LARGE1: variants seen among roughly 807,000 people sequenced by gnomAD.
LARGE1 encodes the protein LARGE xylosyl- and glucuronyltransferase 1, also known as xylosyl- and glucuronyltransferase LARGE1.
Under a neutral mutation model 87.6 loss-of-function variants are expected in LARGE1, and 43 were observed. The observed-to-expected ratio is 0.49, with a 90% confidence interval of 0.38 to 0.63. The LOEUF is 0.63. Among genes scored for constraint, LARGE1 ranks in the 30% least tolerant of loss-of-function variants. The pLI, the probability that LARGE1 is intolerant of heterozygous loss-of-function variation, is 0.00. For synonymous variants in LARGE1, 434 were observed against 394.6 expected (o/e 1.10, Z -1.18); for missense variants, 802 against 1,000.2 (o/e 0.80, Z 2.67).
In LARGE1 at chr22:33,831,634, TA is replaced by T. The variant is rs373497977; in HGVS notation, c.-82-70077del. On this transcript the variant is annotated intron_variant, in intron 1 of 14. Transcript: ENST00000397394. ...GATTGGAAAAGTATTCCTAAGTTTTTAAAAAAAGATAACTGGACAAGAACTT... is the reference window on the plus strand; with the variant it reads ...GATTGGAAAAGTATTCCTAAGTTTTTAAAAAAGATAACTGGACAAGAACTT... Among the ~76,000 whole-genome samples, 389 of 152,100 alleles carry T rather than the reference TA, an allele frequency of 2.6e-3. 5 individuals are homozygous for T. Among genetic ancestry groups the T allele is most frequent in the African/African-American group, 8.8e-3 (365 of 41,502 alleles).
intron 5 of LARGE1, among the ~76,000 whole-genome samples, chr22:33,578,874 T>C (rs2078429108): frequency 1.3e-5 from 2 of 152,206 alleles, no homozygotes. Flanking sequence ...GAGCTCATAC[T>C]GTTAGCAGAA....
intron 4 of LARGE1, among the ~76,000 whole-genome samples, chr22:33,620,519 C>A (rs1371987024): frequency 2.6e-5 from 4 of 152,168 alleles, no homozygotes; most frequent in Non-Finnish European, 5.9e-5. Flanking sequence ...GGGTAACAAA[C>A]AAACCTTTGT....
At chr22:33,719,085 G>A (rs867903021) in intron 2 of LARGE1, among the ~76,000 whole-genome samples, 18 of 152,114 alleles carry the variant, frequency 1.2e-4, no homozygotes, top group South Asian at 2.1e-4. Context: ...CACCACACCC[G>A]GCTGTATCTT....
At chr22:33,299,569 G>A (rs1038971002) in intron 12 of LARGE1, among the ~76,000 whole-genome samples, 3 of 152,208 alleles carry the variant, frequency 2.0e-5, no homozygotes, top group East Asian at 1.9e-4. Flanking sequence ...TTGCAATGGC[G>A]GGGGTTGGGT....
chr22:33,800,215 T>C (rs573541200), intron 1 of LARGE1, among the ~76,000 whole-genome samples: 2 of 152,342 alleles, frequency 1.3e-5, no homozygotes, highest in African/African-American at 2.4e-5. Flanking sequence ...TTTTTAACTT[T>C]ACAGTTATTT....
intron 2 of LARGE1, among the ~76,000 whole-genome samples, chr22:33,728,983 C>T (rs1411734035): frequency 2.6e-5 from 4 of 151,972 alleles, no homozygotes; most frequent in Non-Finnish European, 4.4e-5. Context: ...CTGTCACCCC[C>T]CTCCCCACAA....
intron 9 of LARGE1, among the ~76,000 whole-genome samples, chr22:33,367,438 G>A (rs1020054659): frequency 2.6e-5 from 4 of 152,110 alleles, no homozygotes; most frequent in African/African-American, 9.7e-5. Context: ...TGTTTTTAGA[G>A]ACAGGGTCTC....
At chr22:33,787,733 G>A (rs918887787) in intron 1 of LARGE1, among the ~76,000 whole-genome samples, 14 of 152,134 alleles carry the variant, frequency 9.2e-5, no homozygotes, top group Non-Finnish European at 1.8e-4. Context: ...ATGCATTCCA[G>A]GCAAGCCTCA....
At chr22:33,789,219 G>C (rs950044877) in intron 1 of LARGE1, among the ~76,000 whole-genome samples, 2 of 152,242 alleles carry the variant, frequency 1.3e-5, no homozygotes, top group African/African-American at 4.8e-5. Context: ...ATAGAGCTCA[G>C]GCCATTGCTT....
intron 6 of LARGE1, among the ~76,000 whole-genome samples, chr22:33,488,856 C>T (rs1295837796): frequency 6.6e-6 from 1 of 152,198 alleles, no homozygotes; most frequent in Non-Finnish European, 1.5e-5. Flanking sequence ...TGGGGCCACA[C>T]CAAATGCTCC....
chr22:33,071,245 C>CG, the LARGE1 span, among the ~76,000 whole-genome samples: 2 of 152,142 alleles, frequency 1.3e-5, no homozygotes, highest in Non-Finnish European at 2.9e-5. Flanking sequence ...ATTCTACAGA[C>CG]CCCACTTTGG....
At chr22:33,170,071 G>A (rs987001999) in intron 11 of LARGE1, among the ~76,000 whole-genome samples, 1 of 151,994 alleles carries the variant, frequency 6.6e-6, no homozygotes, top group African/African-American at 2.4e-5. Flanking sequence ...AGATCATGAG[G>A]GCAGCCCTCA....
Position 33,465,012 on chromosome 22 carries a change from C to T in LARGE1, c.788-32747G>A, listed in dbSNP as rs572967646. 2.6e-5 allele frequency among the ~76,000 whole-genome samples: 4 copies of T among 152,300 alleles called. No individual in the cohort carries two copies. In the East Asian group the frequency reaches 7.7e-4, roughly 29 times the overall value. ...CCTCTCAGGAAAACCCTAGGAGATA[C>T]ATAAATAGTACTCACAGAAGTATTA... On this transcript the variant is annotated intron_variant, in intron 6 of 14. Transcript: ENST00000397394.
chr22:33,707,442 T>C (rs775317356), intron 2 of LARGE1, among the ~76,000 whole-genome samples: 2 of 152,258 alleles, frequency 1.3e-5, no homozygotes, highest in Non-Finnish European at 2.9e-5. Flanking sequence ...CAGCTGGAAG[T>C]GGTTATTAGG....
intron 7 of LARGE1, among the ~76,000 whole-genome samples, chr22:33,395,379 CTG>C (rs1024230496): frequency 1.3e-5 from 2 of 152,116 alleles, no homozygotes; most frequent in South Asian, 2.1e-4. Context: ...ACTCAGGACA[CTG>C]TGTCAGCGCT....
chr22:33,809,270 C>CA (rs1342499766), intron 1 of LARGE1, among the ~76,000 whole-genome samples: 68,946 of 147,026 alleles, frequency 0.47, 16,172 homozygotes, highest in Middle Eastern at 0.59. Flanking sequence ...GACTCCATCT[C>CA]AAAAAAAAAA....
At chr22:33,300,101 G>T (rs967774089) in intron 12 of LARGE1, among the ~76,000 whole-genome samples, 2 of 152,206 alleles carry the variant, frequency 1.3e-5, no homozygotes, top group African/African-American at 4.8e-5. Context: ...ACAAGCCGAG[G>T]GCTGCCAGTC....
At chr22:33,415,537 T>A (rs895707291) in intron 7 of LARGE1, among the ~76,000 whole-genome samples, 1 of 152,158 alleles carries the variant, frequency 6.6e-6, no homozygotes, top group Non-Finnish European at 1.5e-5. Context: ...AGGCAAGCGA[T>A]GGGAAATCTT....
chr22:33,634,069 T>G (rs753406628), intron 3 of LARGE1, among the ~76,000 whole-genome samples: 4 of 152,140 alleles, frequency 2.6e-5, no homozygotes, highest in Non-Finnish European at 4.4e-5. Flanking sequence ...AACAAATGAG[T>G]GCAAGAAAGT....
Sources: allele counts gnomAD v4.1 joint callset (sites outside exome capture counted in the v4.1 genomes callset), GRCh38; gene constraint gnomAD v4.1.1; transcripts MANE v1.5; gene names NCBI Gene and HGNC (gene_info 2026-07-23, HGNC 2026-07-21).